The following GNG7 variants were observed in gnomAD, a reference collection of about 807,000 sequenced individuals.
GNG7 encodes guanine nucleotide-binding protein G(I)/G(S)/G(O) subunit gamma-7.
Under a neutral mutation model 4.0 loss-of-function variants are expected in GNG7, and 1 was observed. The observed-to-expected ratio is 0.25, with a 90% CI of 0.09 to 1.18. The LOEUF (loss-of-function observed/expected upper bound fraction) is 1.18, where lower values mean the gene tolerates loss of function less well. GNG7 is among the 50% of genes most tolerant of loss of function. The pLI is 0.50. For missense variants in GNG7, 86 were observed against 91.9 expected (o/e 0.94, Z 0.26); for synonymous variants, 34 against 36.9 (o/e 0.92, Z 0.29).
chr19:2,550,326 T>G (rs979658076), intron 3 of GNG7, among the ~76,000 whole-genome samples: 1 of 152,178 alleles, frequency 6.6e-6, no homozygotes, highest in Non-Finnish European at 1.5e-5. Context: ...CAAGCGATTC[T>G]CCTGCCTCAG....
rs182109910 is a variant in GNG7 at position 2,618,727 on chromosome 19, C to T, written c.-78+27497G>A. Reference sequence around the variant, plus strand: ...AGGAAAGTTGCAAAGAGAGAGTCCCCGCCCACGCCTCACCAGCTTCCTCTT... The same window carrying T: ...AGGAAAGTTGCAAAGAGAGAGTCCCTGCCCACGCCTCACCAGCTTCCTCTT... On this transcript the variant is annotated intron_variant, in intron 2 of 4. Transcript: ENST00000382159. This position sits in a 1 kb window ranked among gnomAD's most constrained non-coding sequence, Gnocchi z 5.1. 2.6e-5 allele frequency among the ~76,000 whole-genome samples: 4 copies of T among 152,114 alleles called. No homozygotes were observed. Among genetic ancestry groups the T allele is most frequent in the Admixed American group, 6.6e-5 (1 of 15,254 alleles).
intron 1 of GNG7, among the ~76,000 whole-genome samples, chr19:2,679,614 C>T (rs1045576116): frequency 1.3e-5 from 2 of 152,148 alleles, no homozygotes; most frequent in African/African-American, 4.8e-5. Context: ...TGCCTACATT[C>T]CAGAAAACTC....
At chr19:2,655,304 C>A (rs1312411445) in intron 1 of GNG7, among the ~76,000 whole-genome samples, 2 of 151,872 alleles carry the variant, frequency 1.3e-5, no homozygotes, top group Non-Finnish European at 2.9e-5. Context: ...CGCAGGCAGC[C>A]AACAGGATTA....
At chr19:2,593,945 T>C (rs1343208766) in intron 2 of GNG7, among the ~76,000 whole-genome samples, 1 of 81,180 alleles carries the variant, frequency 1.2e-5, no homozygotes, top group African/African-American at 4.4e-5. Flanking sequence ...AAAAAAAAAC[T>C]TTCTTACCTC....
At chr19:2,638,564 G>A (rs1465347692) in intron 2 of GNG7, among the ~76,000 whole-genome samples, 2 of 127,400 alleles carry the variant, frequency 1.6e-5, no homozygotes, top group African/African-American at 5.9e-5. Context: ...GGAGGGGAGG[G>A]GAAGGGAAGG....
At chr19:2,644,327 T>C (rs1465027543) in intron 2 of GNG7, among the ~76,000 whole-genome samples, 8 of 114,424 alleles carry the variant, frequency 7.0e-5, no homozygotes, top group Non-Finnish European at 1.1e-4. Flanking sequence ...GGCCTACACT[T>C]TATATATATA....
rs558432685 is a variant in GNG7, at chr19:2,621,553, C to T, written c.-78+24671G>A. 3.3e-5 allele frequency among the ~76,000 whole-genome samples: 5 copies of T among 150,642 alleles called. No individual in the cohort carries two copies. The South Asian group carries it at 6.3e-4, about 19-fold the overall frequency. On this transcript the variant is annotated intron_variant, in intron 2 of 4. Coordinates refer to ENST00000382159, the MANE Select transcript of GNG7 (RefSeq NM_052847.3). ...TCTCTACTAAAAACACAAAGTTAGC[C>T]GGGCGTGTTGGTGCGCGCCTGTAAT...
chr19:2,525,234 G>A (rs1978354035), intron 3 of GNG7, among the ~76,000 whole-genome samples: 1 of 152,164 alleles, frequency 6.6e-6, no homozygotes, highest in Admixed American at 6.5e-5. Context: ...AGGCAGCTCC[G>A]GGGGCAGGGC....
chr19:2,640,175 T>G (rs1185844052), intron 2 of GNG7, among the ~76,000 whole-genome samples: 75 of 68,494 alleles, frequency 1.1e-3, no homozygotes, highest in East Asian at 2.1e-3. Context: ...GAGATAGAGA[T>G]AGGAAGGAAG....
Position 2,633,499 on chromosome 19 carries a change from A to ACGCGCGCGCG in GNG7, c.-78+12724_-78+12725insCGCGCGCGCG, listed in dbSNP as rs1568268792. On this transcript the variant is annotated intron_variant, in intron 2 of 4. Transcript: ENST00000382159. The surrounding 1 kb of genome is among the most constrained non-coding windows in gnomAD (Gnocchi z 5.9). ...CGCGCGCGCGCGCGCACACACACAC[A>ACGCGCGCGCG]CACACACACACACACACACACACAC... is the stretch of plus-strand genomic sequence containing the variant. Among the ~76,000 whole-genome samples, 1 of 135,814 alleles carries ACGCGCGCGCG rather than the reference A, an allele frequency of 7.4e-6. No individual in the cohort carries two copies. Among genetic ancestry groups the ACGCGCGCGCG allele is most frequent in the African/African-American group, 3.1e-5 (1 of 32,356 alleles). 89.1% of individuals were successfully genotyped at this position (135,814 alleles called of 152,430 possible). A position where few individuals can be genotyped will look rare whatever the true frequency, so the allele number is the denominator to read the frequency against.
intron 1 of GNG7, among the ~76,000 whole-genome samples, chr19:2,661,984 G>A (rs1983192271): frequency 6.6e-6 from 1 of 152,182 alleles, no homozygotes; most frequent in Non-Finnish European, 1.5e-5. Flanking sequence ...ACATGGCCAG[G>A]TGCAGTGGCT....
intron 2 of GNG7, among the ~76,000 whole-genome samples, chr19:2,638,743 G>T (rs1982401988): frequency 2.6e-5 from 4 of 151,668 alleles, no homozygotes. Flanking sequence ...GCATCCCCTG[G>T]GGAGGGGAGG....
intron 3 of GNG7, among the ~76,000 whole-genome samples, chr19:2,534,886 T>C (rs1324602621): frequency 6.6e-6 from 1 of 152,200 alleles, no homozygotes; most frequent in Non-Finnish European, 1.5e-5. Flanking sequence ...AGCATTTTTG[T>C]TCTATTGAGG....
chr19:2,632,089 A>C (rs1982174220), intron 2 of GNG7: 1 of 152,270 alleles, frequency 6.6e-6, no homozygotes, highest in African/African-American at 2.4e-5. Flanking sequence ...CATTCTCTAG[A>C]GAAAGGAGCC....
intron 4 of GNG7, among the ~76,000 whole-genome samples, chr19:2,518,626 C>A (rs577281089): frequency 1.3e-5 from 2 of 152,184 alleles, no homozygotes; most frequent in East Asian, 3.9e-4. Context: ...CCGCTGGGAG[C>A]AAAGCAAGGG....
At chr19:2,576,274 T>G (rs1029753) in intron 2 of GNG7, among the ~76,000 whole-genome samples, 1 of 152,160 alleles carries the variant, frequency 6.6e-6, no homozygotes. Flanking sequence ...CCCAGGGGAC[T>G]GCAGCAAAAA....
intron 1 of GNG7, among the ~76,000 whole-genome samples, chr19:2,655,565 G>A (rs1225325638): frequency 6.6e-6 from 1 of 151,982 alleles, no homozygotes; most frequent in African/African-American, 2.4e-5. Flanking sequence ...TAGGCCGGGT[G>A]CGGTGGCTCA....
intron 3 of GNG7, among the ~76,000 whole-genome samples, chr19:2,536,170 C>A (rs1369832996): frequency 2.0e-5 from 3 of 152,006 alleles, no homozygotes. Flanking sequence ...GTAATCCCAG[C>A]ACTTTGGGAG....
intron 3 of GNG7, among the ~76,000 whole-genome samples, chr19:2,530,273 CA>C (rs1410078923): frequency 6.6e-6 from 1 of 151,006 alleles, no homozygotes; most frequent in African/African-American, 2.4e-5. Flanking sequence ...ATTAGCTGGG[CA>C]TGGTGGCACG....
Sources: gnomAD v4.1 joint callset for allele counts (sites outside exome capture counted in the v4.1 genomes callset) on GRCh38, gnomAD v4.1.1 for gene constraint, Gnocchi (gnomAD v3.1) non-coding constraint, MANE v1.5 for transcripts, NCBI Gene and HGNC (gene_info 2026-07-23, HGNC 2026-07-21) for gene names.